The following POLN variants were observed in gnomAD, a reference collection of about 807,000 sequenced individuals.
The protein encoded by POLN is DNA polymerase nu.
In POLN, 108 loss-of-function variants were observed where a neutral mutation model predicts 113.5. That is an observed-to-expected ratio of 0.95 (90% CI 0.81 to 1.12). The LOEUF (loss-of-function observed/expected upper bound fraction) is 1.12, where lower values mean the gene tolerates loss of function less well. Ranked by LOEUF, POLN falls within the 50% of genes most tolerant of loss-of-function variation. The pLI is 0.00. For missense variants in POLN, 1,097 were observed against 1,077.1 expected, an observed-to-expected ratio of 1.02 and a Z score of -0.26; for synonymous variants, 386 against 391.5, an observed-to-expected ratio of 0.99 and a Z score of 0.17.
At position 2,208,377 on chromosome 4, in the gene POLN, G is replaced by T; in HGVS notation, c.324C>A (p.Ser108Arg). Reference sequence around the variant, plus strand: ...AACTTGAAAGAGTCAATGAGCTGATGCTCTTCTGTTTTTGGTCAGCAGACA... The same window carrying T: ...AACTTGAAAGAGTCAATGAGCTGATTCTCTTCTGTTTTTGGTCAGCAGACA... Reference protein sequence around the residue: ...DQLSADQKQKSISSLTLSSCL... With the variant: ...DQLSADQKQKRISSLTLSSCL... The change falls in exon 5 of 26, where the codon AGC (serine) becomes AGA (arginine). Residue 108 changes from serine (S) to arginine (R), a missense_variant. Physicochemically the swap from Ser to Arg is moderately radical, Grantham distance 110 (BLOSUM62 -1). Transcript: ENST00000511885. 1 of 1,613,522 alleles carries T rather than the reference G, an allele frequency of 6.2e-7. No individual in the cohort carries two copies. The highest frequency in any genetic ancestry group is 8.5e-7 in the Non-Finnish European group (1 of 1,179,932).
chr4:2,148,725 G>T (rs1201022316), intron 16 of POLN, among the ~76,000 whole-genome samples: 1 of 151,708 alleles, frequency 6.6e-6, no homozygotes, highest in Non-Finnish European at 1.5e-5. Context: ...CAGGTTTGAT[G>T]AAAACCATAA....
At chr4:2,221,821 C>G (rs962136538) in intron 3 of POLN, among the ~76,000 whole-genome samples, 2 of 152,134 alleles carry the variant, frequency 1.3e-5, no homozygotes, top group South Asian at 4.1e-4. Context: ...GGGATCCACC[C>G]GCCTCAGCCT....
intron 21 of POLN, among the ~76,000 whole-genome samples, chr4:2,083,312 A>G (rs1730473530): frequency 1.3e-5 from 2 of 152,206 alleles, no homozygotes; most frequent in African/African-American, 4.8e-5. Context: ...ACCACTCTGC[A>G]GTCTGCGTGG....
In POLN at chr4:2,085,651, T is replaced by C. The variant is rs1359458975; in HGVS notation, c.2159A>G (p.Asp720Gly). ...SFLQKYKKIK[D>G]FARAAIAQCH... ...CTGGGCAATAGCTGCTCGGGCGAAG[T>C]CCTTGATTTTCTTGTACTTCTGCAA... is the stretch of plus-strand genomic sequence containing the variant. Residue 720 changes from aspartate (D) to glycine (G), a missense_variant, in exon 21 of 26, where the codon GAC becomes GGC. Coordinates refer to ENST00000511885, the MANE Select transcript of POLN (RefSeq NM_181808.4). The C allele has an allele frequency of 6.2e-7, 1 of 1,614,012 alleles. No homozygotes were observed. Among genetic ancestry groups the C allele is most frequent in the Non-Finnish European group, 8.5e-7 (1 of 1,180,046 alleles).
At chr4:2,104,192 C>T (rs1384241356) in intron 19 of POLN, among the ~76,000 whole-genome samples, 1 of 152,160 alleles carries the variant, frequency 6.6e-6, no homozygotes, top group Admixed American at 6.5e-5. Context: ...AGGAACAAAA[C>T]CTCACATATC....
At chr4:2,236,120 G>A in intron 2 of POLN, 2 of 627,110 alleles carry the variant, frequency 3.2e-6, no homozygotes, top group Non-Finnish European at 5.5e-6. Context: ...TTTATATTAA[G>A]GCAATGAAAT....
At chr4:2,104,760 G>C (rs557017376) in intron 19 of POLN, among the ~76,000 whole-genome samples, 1 of 152,200 alleles carries the variant, frequency 6.6e-6, no homozygotes, top group Non-Finnish European at 1.5e-5. Context: ...CATGACAGCT[G>C]TATCTATGGC....
chr4:2,108,975 C>A (rs1057152233), intron 19 of POLN, among the ~76,000 whole-genome samples: 1 of 151,862 alleles, frequency 6.6e-6, no homozygotes, highest in African/African-American at 2.4e-5. Context: ...CAGGAGTGGG[C>A]GTCTGCTCTG....
At chr4:2,103,613 G>A (rs1232310392) in intron 19 of POLN, among the ~76,000 whole-genome samples, 4 of 152,088 alleles carry the variant, frequency 2.6e-5, no homozygotes, top group East Asian at 1.9e-4. Flanking sequence ...AGCAATCCCC[G>A]GGAAAATACA....
intron 20 of POLN, chr4:2,088,590 C>G: frequency 1.7e-6 from 1 of 584,904 alleles, no homozygotes; most frequent in Non-Finnish European, 2.5e-6. Context: ...ATTAGCTAAT[C>G]AACTGATCTA....
At chr4:2,152,907 C>T (rs1732329401) in intron 16 of POLN, among the ~76,000 whole-genome samples, 1 of 152,198 alleles carries the variant, frequency 6.6e-6, no homozygotes, top group Non-Finnish European at 1.5e-5. Flanking sequence ...GGAAGGCAAT[C>T]TAATAAAAGC....
intron 4 of POLN, among the ~76,000 whole-genome samples, chr4:2,210,625 A>AATAATG (rs1733968350): frequency 8.5e-6 from 1 of 116,972 alleles, no homozygotes; most frequent in South Asian, 2.6e-4. Context: ...TAATAATAAT[A>AATAATG]ATAATAAAAA....
chr4:2,127,693 C>T lies in POLN; in HGVS notation c.1982+420G>A, dbSNP rs758479175. On this transcript the variant is annotated intron_variant, in intron 19 of 25. Transcript: ENST00000511885. This position sits in a 1 kb window ranked among gnomAD's most constrained non-coding sequence, Gnocchi z 4.7. ...GAATTCTCTGTGAGTGTAAGCCACT[C>T]AGGCAGGATCTTTCACCCGCAGCTC... 4.6e-5 allele frequency among the ~76,000 whole-genome samples: 7 copies of T among 151,980 alleles called. No homozygotes were observed. Among genetic ancestry groups the T allele is most frequent in the Non-Finnish European group, 8.8e-5 (6 of 68,012 alleles).
intron 2 of POLN, among the ~76,000 whole-genome samples, chr4:2,237,081 C>G (rs1461129270): frequency 1.3e-5 from 2 of 152,004 alleles, no homozygotes; most frequent in African/African-American, 4.8e-5. Flanking sequence ...TTAACTGCCA[C>G]TAACGTACTT....
intron 19 of POLN, among the ~76,000 whole-genome samples, chr4:2,121,448 A>ATATATAT (rs201923056): frequency 0.015 from 1,880 of 124,668 alleles, 19 homozygotes; most frequent in Non-Finnish European, 0.023. Context: ...AAAAAAAAAA[A>ATATATAT]AAAAATATAT....
chr4:2,144,292 G>A lies in POLN; in HGVS notation c.1731+12496C>T, dbSNP rs1325113881. Among the ~76,000 whole-genome samples the A allele has an allele frequency of 2.0e-5, 3 of 151,632 alleles. No homozygotes were observed. In the East Asian group the frequency reaches 5.8e-4, roughly 29 times the overall value. On this transcript the variant is annotated intron_variant, in intron 16 of 25. Coordinates refer to ENST00000511885, the MANE Select transcript of POLN (RefSeq NM_181808.4). ...CCCACGTAGCTGGGACTACAGGCAC[G>A]TGCCACCATGCCCAGCTAATTTTTG... is the stretch of plus-strand genomic sequence containing the variant.
rs34847436 is a variant in POLN at position 2,093,974 on chromosome 4, A to G, written c.2065+1877T>C. 0.013 allele frequency among the ~76,000 whole-genome samples: 2,026 copies of G among 152,300 alleles called. 17 individuals are homozygous for G. Among genetic ancestry groups the G allele is most frequent in the Non-Finnish European group, 0.021 (1,440 of 68,016 alleles). On this transcript the variant is annotated intron_variant, in intron 20 of 25. Coordinates refer to ENST00000511885, the MANE Select transcript of POLN (RefSeq NM_181808.4). This position sits in a 1 kb window ranked among gnomAD's most constrained non-coding sequence, Gnocchi z 4.1. ...CATGTTTGAGCTGGGGCATGAGACC[A>G]TGAACAGGCGAGTGGGTGCCCAAGG...
chr4:2,220,878 G>A (rs1418410939), intron 3 of POLN, among the ~76,000 whole-genome samples: 13 of 152,212 alleles, frequency 8.5e-5, no homozygotes, highest in Admixed American at 7.9e-4. Flanking sequence ...AATTTCTTAT[G>A]AAATGACATA....
intron 4 of POLN, among the ~76,000 whole-genome samples, chr4:2,212,693 A>T (rs975462937): frequency 6.6e-6 from 1 of 152,082 alleles, no homozygotes; most frequent in East Asian, 1.9e-4. Flanking sequence ...GCCTAGGTCG[A>T]TCACCTCCTA....
Sources: gnomAD v4.1 joint callset for allele counts (sites outside exome capture counted in the v4.1 genomes callset) on GRCh38, gnomAD v4.1.1 for gene constraint, Gnocchi (gnomAD v3.1) non-coding constraint, MANE v1.5 for transcripts, NCBI Gene and HGNC (gene_info 2026-07-23, HGNC 2026-07-21) for gene names.